Variants in KCNT2 observed in about 807,000 individuals in gnomAD.
The protein encoded by KCNT2 is potassium channel subfamily T member 2.
A neutral mutation model predicts 153.8 loss-of-function variants in KCNT2; 67 were observed. The observed-to-expected ratio is 0.44, with a 90% CI of 0.36 to 0.53. The LOEUF (loss-of-function observed/expected upper bound fraction) is 0.53. Among genes scored for constraint, KCNT2 ranks in the 20% least tolerant of loss-of-function variants. The probability of loss-of-function intolerance (pLI) is 0.00; values close to 1 mark genes in which losing one functional copy is unlikely to be tolerated. For synonymous variants in KCNT2, 500 were observed against 458.8 expected, an observed-to-expected ratio of 1.09 and a Z score of -1.15; for missense variants, 975 against 1,354.8, an observed-to-expected ratio of 0.72 and a Z score of 4.40.
chr1:196,289,316 T>C (rs1231253608), intron 22 of KCNT2, among the ~76,000 whole-genome samples: 2 of 152,036 alleles, frequency 1.3e-5, no homozygotes, highest in Admixed American at 1.3e-4. Flanking sequence ...AAAACTTTCA[T>C]AGCTTTTTTG....
At chr1:196,579,914 T>C (rs1372957313) in intron 1 of KCNT2, among the ~76,000 whole-genome samples, 8 of 152,160 alleles carry the variant, frequency 5.3e-5, no homozygotes, top group Non-Finnish European at 1.2e-4. Flanking sequence ...CATTCGAATG[T>C]TCATGGTCCT....
intron 13 of KCNT2, among the ~76,000 whole-genome samples, chr1:196,381,618 C>T: frequency 6.6e-6 from 1 of 152,076 alleles, no homozygotes; most frequent in East Asian, 1.9e-4. Context: ...TCTACAAAAG[C>T]TATACGACTC....
At position 196,228,161 on chromosome 1, in the gene KCNT2, A is replaced by T; in HGVS notation, c.*63T>A. The stretch of plus-strand genomic sequence containing the variant: ...ATTTCCATCTAGTTTCTTTCGTGCC[A>T]GCAAAACTTTTGTGGTTTCAAGCAA... On this transcript the variant is annotated 3_prime_UTR_variant, in exon 28 of 28. Coordinates refer to ENST00000294725, the MANE Select transcript of KCNT2 (RefSeq NM_198503.5). 2 of 887,412 alleles carry T rather than the reference A, an allele frequency of 2.3e-6. No individual in the cohort carries two copies. The highest frequency in any genetic ancestry group is 3.7e-6 in the Non-Finnish European group (2 of 542,542). 55.0% of individuals were successfully genotyped at this position (887,412 alleles called of 1,614,324 possible). A position where few individuals can be genotyped will look rare whatever the true frequency, so the allele number is the denominator to read the frequency against.
At chr1:196,355,434 C>G (rs934587986) in intron 14 of KCNT2, among the ~76,000 whole-genome samples, 3 of 151,396 alleles carry the variant, frequency 2.0e-5, no homozygotes, top group African/African-American at 7.3e-5. Context: ...AGAAAAATGG[C>G]CATCAAAAGT....
intron 8 of KCNT2, among the ~76,000 whole-genome samples, chr1:196,461,596 A>T (rs746109065): frequency 2.6e-5 from 4 of 151,834 alleles, no homozygotes; most frequent in African/African-American, 4.8e-5. Flanking sequence ...GAATATGTTG[A>T]TAATTAAGCT....
intron 12 of KCNT2, among the ~76,000 whole-genome samples, chr1:196,405,550 A>G (rs887610217): frequency 6.6e-6 from 1 of 151,560 alleles, no homozygotes; most frequent in African/African-American, 2.4e-5. Context: ...AACCCATTAA[A>G]GAACTCAGAC....
chr1:196,435,338 A>G (rs1236465249), intron 8 of KCNT2, among the ~76,000 whole-genome samples: 1 of 150,368 alleles, frequency 6.7e-6, no homozygotes, highest in East Asian at 2.0e-4. Context: ...TTTTCCTAGT[A>G]ACTAGTATTT....
intron 1 of KCNT2, among the ~76,000 whole-genome samples, chr1:196,528,720 C>G (rs1195226031): frequency 1.3e-5 from 2 of 152,062 alleles, no homozygotes; most frequent in East Asian, 3.9e-4. Context: ...GTTAACACTT[C>G]CCTCGCTCGT....
In KCNT2 at chr1:196,528,256, T is replaced by C. The variant is rs189041707; in HGVS notation, c.96-35915A>G. On this transcript the variant is annotated intron_variant, in intron 1 of 27. Transcript: ENST00000294725. ...AAAGTTAGAATCAGATGTAGAATTA[T>C]TGTGAACAAATACTTTACTCTCAAT... 1.0e-3 allele frequency among the ~76,000 whole-genome samples: 158 copies of C among 152,368 alleles called. 1 individual carries two copies. The highest frequency in any genetic ancestry group is 1.8e-3 in the Admixed American group (28 of 15,298).
intron 8 of KCNT2, among the ~76,000 whole-genome samples, chr1:196,458,939 A>G (rs957155097): frequency 2.0e-5 from 3 of 151,900 alleles, no homozygotes; most frequent in Non-Finnish European, 4.4e-5. Context: ...TAATTCAAAC[A>G]TTAGCATTCA....
intron 25 of KCNT2, among the ~76,000 whole-genome samples, chr1:196,266,379 A>G (rs1657542034): frequency 6.6e-6 from 1 of 152,220 alleles, no homozygotes; most frequent in African/African-American, 2.4e-5. Flanking sequence ...ATTATCACAT[A>G]TAAAATACAG....
chr1:196,547,076 C>A (rs1242807196), intron 1 of KCNT2, among the ~76,000 whole-genome samples: 3 of 151,826 alleles, frequency 2.0e-5, no homozygotes, highest in Non-Finnish European at 2.9e-5. Flanking sequence ...TGGGATTTAG[C>A]CTTCTAGTAA....
At position 196,413,553 on chromosome 1, in the gene KCNT2, G is replaced by A. The variant is rs116331982; in HGVS notation, c.1185+9497C>T. 4.7e-3 allele frequency among the ~76,000 whole-genome samples: 716 copies of A among 151,698 alleles called. 4 individuals are homozygous for A. Among genetic ancestry groups the A allele is most frequent in the African/African-American group, 0.016 (651 of 41,496 alleles). ...ATTATGATATTACAAATCTTCAAAT[G>A]TTACCATCGTATAAAAAAAATTCTG... On this transcript the variant is annotated intron_variant, in intron 12 of 27. Coordinates refer to ENST00000294725, the MANE Select transcript of KCNT2 (RefSeq NM_198503.5).
At chr1:196,329,950 C>CATATATATATACAT (rs1664285425) in intron 18 of KCNT2, among the ~76,000 whole-genome samples, 2 of 73,540 alleles carry the variant, frequency 2.7e-5, no homozygotes, top group African/African-American at 1.3e-4. Context: ...TTCCTCAAGA[C>CATATATATATACAT]ATATATATAT....
intron 1 of KCNT2, among the ~76,000 whole-genome samples, chr1:196,512,513 T>C (rs1681714495): frequency 6.6e-6 from 1 of 152,188 alleles, no homozygotes; most frequent in Admixed American, 6.5e-5. Flanking sequence ...TTCTCATGGT[T>C]CAGCCAAAAT....
Position 196,468,987 on chromosome 1 carries a change from G to T in KCNT2, c.459+7C>A. 2 of 1,563,906 alleles carry T rather than the reference G, an allele frequency of 1.3e-6. No homozygotes were observed. Among genetic ancestry groups the T allele is most frequent in the African/African-American group, 2.7e-5 (2 of 73,860 alleles). On this transcript the variant is annotated splice_region_variant and intron_variant, in intron 6 of 27. Coordinates refer to ENST00000294725, the MANE Select transcript of KCNT2 (RefSeq NM_198503.5). Reference sequence around the variant, plus strand: ...AAGTGTTTTTTTAAGGTTCTTTTAGGACTTACTGAGATAATGAAGGGAACT... The same window carrying T: ...AAGTGTTTTTTTAAGGTTCTTTTAGTACTTACTGAGATAATGAAGGGAACT...
chr1:196,554,387 A>G (rs577371732), intron 1 of KCNT2, among the ~76,000 whole-genome samples: 7 of 151,486 alleles, frequency 4.6e-5, no homozygotes, highest in African/African-American at 7.2e-5. Flanking sequence ...CTATATGTCA[A>G]CAAGTTGGAA....
chr1:196,305,379 C>T (rs368653124), intron 21 of KCNT2, 34 bp from the exon 22 acceptor site: 2 of 1,089,916 alleles, frequency 1.8e-6, no homozygotes, highest in Non-Finnish European at 1.4e-6. Flanking sequence ...ATTACACTAA[C>T]AATCCAATAT....
chr1:196,241,101 T>G (rs1315602287), intron 26 of KCNT2, among the ~76,000 whole-genome samples: 1 of 151,930 alleles, frequency 6.6e-6, no homozygotes, highest in Non-Finnish European at 1.5e-5. Context: ...ACAGAGAATT[T>G]TAAGCTGGGA....
Sources: gnomAD v4.1 joint callset for allele counts (sites outside exome capture counted in the v4.1 genomes callset) on GRCh38, gnomAD v4.1.1 for gene constraint, MANE v1.5 for transcripts, NCBI Gene and HGNC (gene_info 2026-07-23, HGNC 2026-07-21) for gene names.